The following CEP128 variants were observed in gnomAD, a reference collection of about 807,000 sequenced individuals.
CEP128 encodes centrosomal protein 128.
A neutral mutation model predicts 156.7 loss-of-function variants in CEP128; 132 were observed. The ratio of observed to expected loss-of-function variants is 0.84; its 90% confidence interval spans 0.73 to 0.97. CEP128 has a LOEUF of 0.97. CEP128 is among the 50% of genes least tolerant of loss of function. The pLI, the probability that CEP128 is intolerant of heterozygous loss-of-function variation, is 0.00. For synonymous variants in CEP128, 469 were observed against 448.9 expected (o/e 1.04, Z -0.57); for missense variants, 1,252 against 1,281.9 (o/e 0.98, Z 0.36).
intron 16 of CEP128, among the ~76,000 whole-genome samples, chr14:80,777,308 G>A (rs947345069): frequency 6.6e-6 from 1 of 152,126 alleles, no homozygotes; most frequent in African/African-American, 2.4e-5. Context: ...AGAGACCCCA[G>A]AGAGCTCTCT....
At chr14:80,786,871 G>A (rs548503792) in intron 14 of CEP128, among the ~76,000 whole-genome samples, 1 of 152,202 alleles carries the variant, frequency 6.6e-6, no homozygotes, top group African/African-American at 2.4e-5. Context: ...TATTTGGAAG[G>A]CTCAGGCGGG....
chr14:80,711,098 T>G (rs1364422733), intron 19 of CEP128, among the ~76,000 whole-genome samples: 1 of 152,192 alleles, frequency 6.6e-6, no homozygotes, highest in East Asian at 1.9e-4. Context: ...TTTTCTGTTC[T>G]CAAGAAATGG....
chr14:80,673,515 G>A (rs924747498), intron 19 of CEP128, among the ~76,000 whole-genome samples: 1 of 145,048 alleles, frequency 6.9e-6, no homozygotes, highest in African/African-American at 2.5e-5. Flanking sequence ...GCGTAGTGGC[G>A]GGCGCCTGTA....
intron 20 of CEP128, among the ~76,000 whole-genome samples, chr14:80,572,716 A>G (rs1033656167): frequency 5.3e-5 from 8 of 150,174 alleles, no homozygotes; most frequent in African/African-American, 1.8e-4. Context: ...AAAAAACACA[A>G]GAAAACATAC....
At chr14:80,829,485 G>A (rs191635614) in intron 13 of CEP128, among the ~76,000 whole-genome samples, 89 of 152,218 alleles carry the variant, frequency 5.8e-4, no homozygotes, top group Admixed American at 1.2e-3. Context: ...ATCACAGCTC[G>A]CTGCAGCCTT....
chr14:80,669,637 C>T (rs183363991), intron 19 of CEP128, among the ~76,000 whole-genome samples: 4 of 152,096 alleles, frequency 2.6e-5, no homozygotes, highest in East Asian at 1.9e-4. Flanking sequence ...GTAGTCAGTA[C>T]GGCTATTATT....
intron 2 of CEP128, among the ~76,000 whole-genome samples, chr14:80,921,877 C>G (rs1211507586): frequency 1.3e-5 from 2 of 151,604 alleles, no homozygotes; most frequent in Non-Finnish European, 2.9e-5. Flanking sequence ...ACAGGACAAT[C>G]ACTTGAACCC....
intron 11 of CEP128, among the ~76,000 whole-genome samples, chr14:80,837,294 A>T (rs1350875246): frequency 6.6e-6 from 1 of 152,242 alleles, no homozygotes; most frequent in African/African-American, 2.4e-5. Context: ...AAACACAGAC[A>T]GGCAGTTAGA....
intron 13 of CEP128, among the ~76,000 whole-genome samples, chr14:80,808,079 C>G (rs1884289187): frequency 6.6e-6 from 1 of 152,184 alleles, no homozygotes; most frequent in African/African-American, 2.4e-5. Flanking sequence ...AGAAGTGACC[C>G]CACCACCAGT....
intron 2 of CEP128, among the ~76,000 whole-genome samples, chr14:80,925,807 T>G (rs1427659201): frequency 6.6e-6 from 1 of 152,138 alleles, no homozygotes; most frequent in Non-Finnish European, 1.5e-5. Context: ...AACTGGGAGT[T>G]GCCAGAGCAT....
chr14:80,778,227 A>G (rs919423334), intron 15 of CEP128, among the ~76,000 whole-genome samples, 181 bp from the exon 16 acceptor site: 1 of 152,240 alleles, frequency 6.6e-6, no homozygotes, highest in African/African-American at 2.4e-5. Flanking sequence ...ATCGCTCATC[A>G]GTATTTACCA....
At chr14:80,865,117 C>T (rs2140168260) in intron 8 of CEP128, among the ~76,000 whole-genome samples, 1 of 152,280 alleles carries the variant, frequency 6.6e-6, no homozygotes, top group African/African-American at 2.4e-5. Flanking sequence ...ACCACCATTC[C>T]ACTCTCTGCT....
downstream of CEP128, among the ~76,000 whole-genome samples, chr14:80,493,342 C>G (rs1174032587): frequency 6.6e-6 from 1 of 152,130 alleles, no homozygotes; most frequent in Non-Finnish European, 1.5e-5. Context: ...CATTTCCCAC[C>G]CCCAACATTC....
At position 80,884,748 on chromosome 14, in the gene CEP128, G is replaced by A. The variant is rs573511241; in HGVS notation, c.645+10970C>T. 4.6e-5 allele frequency among the ~76,000 whole-genome samples: 7 copies of A among 152,300 alleles called. No individual in the cohort carries two copies. In the South Asian group the frequency reaches 1.0e-3, roughly 23 times the overall value. On this transcript the variant is annotated intron_variant, in intron 8 of 24. Coordinates refer to ENST00000555265, the MANE Select transcript of CEP128 (RefSeq NM_152446.5). ...CTGGGCAGCTGTTTGGGCAGACACC[G>A]AGCTAGCTGCTGGAGTTTTTCTTTT...
At chr14:80,769,369 G>C (rs1180222545) in intron 16 of CEP128, among the ~76,000 whole-genome samples, 1 of 151,472 alleles carries the variant, frequency 6.6e-6, no homozygotes, top group African/African-American at 2.4e-5. Flanking sequence ...ATGTTGGTGT[G>C]ATGTACCCAT....
At chr14:80,558,132 C>T (rs1303851992) in intron 21 of CEP128, among the ~76,000 whole-genome samples, 1 of 151,994 alleles carries the variant, frequency 6.6e-6, no homozygotes, top group Non-Finnish European at 1.5e-5. Context: ...CTCTTCTGTT[C>T]TTTTTTTATA....
intron 19 of CEP128, among the ~76,000 whole-genome samples, chr14:80,640,253 T>A (rs143827302): frequency 5.3e-5 from 8 of 152,118 alleles, no homozygotes; most frequent in African/African-American, 1.9e-4. Context: ...AAACCAGAGA[T>A]AAAGGGAAAA....
chr14:80,557,553 C>A (rs200114840), intron 21 of CEP128, among the ~76,000 whole-genome samples: 2 of 152,148 alleles, frequency 1.3e-5, no homozygotes, highest in East Asian at 3.8e-4. Flanking sequence ...GTTGGCAAGA[C>A]ACTTTCTAAG....
chr14:80,485,194 T>C (rs1594899207), intron 14 of CEP128, among the ~76,000 whole-genome samples: 3 of 152,072 alleles, frequency 2.0e-5, no homozygotes, highest in African/African-American at 7.3e-5. Context: ...CATTTTCACA[T>C]ACATACACAC....
Sources: gnomAD v4.1 joint callset for allele counts (sites outside exome capture counted in the v4.1 genomes callset) on GRCh38, gnomAD v4.1.1 for gene constraint, MANE v1.5 for transcripts, NCBI Gene and HGNC (gene_info 2026-07-23, HGNC 2026-07-21) for gene names.